Variants in CRB1 observed in about 807,000 individuals in gnomAD.
CRB1 encodes the protein crumbs cell polarity complex component 1.
Under a neutral mutation model 120.0 loss-of-function variants are expected in CRB1, and 83 were observed. The ratio of observed to expected loss-of-function variants is 0.69; its 90% confidence interval spans 0.58 to 0.83. The LOEUF (loss-of-function observed/expected upper bound fraction) is 0.83. Among genes scored for constraint, CRB1 ranks in the 40% least tolerant of loss-of-function variants. The pLI is 0.00. For synonymous variants in CRB1, 625 were observed against 612.5 expected (o/e 1.02, Z -0.30); for missense variants, 1,699 against 1,687.6 (o/e 1.01, Z -0.12).
chr1:197,329,752 C>A lies in CRB1; in HGVS notation c.652+749C>A, dbSNP rs1003647941. Among the ~76,000 whole-genome samples the A allele has an allele frequency of 2.0e-5, 3 of 152,152 alleles. No individual in the cohort carries two copies. In the East Asian group the frequency reaches 5.8e-4, roughly 29 times the overall value. On this transcript the variant is annotated intron_variant, in intron 2 of 11. Coordinates refer to ENST00000367400, the MANE Select transcript of CRB1 (RefSeq NM_201253.3). ...TTTCTTGCTTTGCTTTATTCTTTGG[C>A]TTTTCCATTTACTTGTAAGGGGGTA...
intron 5 of CRB1, among the ~76,000 whole-genome samples, chr1:197,391,914 G>T (rs527886501): frequency 1.3e-5 from 2 of 152,038 alleles, no homozygotes; most frequent in African/African-American, 2.4e-5. Context: ...TCCAGGTCTC[G>T]ATGTGGTAGG....
At chr1:197,260,317 G>A in the CRB1 span, among the ~76,000 whole-genome samples, 8 of 152,066 alleles carry the variant, frequency 5.3e-5, no homozygotes, top group East Asian at 1.4e-3. Context: ...TTGGACATTG[G>A]CTATCCATCT....
In CRB1 at chr1:197,268,389, A is replaced by T; in HGVS notation, c.-24A>T. 1 of 1,572,992 alleles carries T rather than the reference A, an allele frequency of 6.4e-7. No homozygotes were observed. The highest frequency in any genetic ancestry group is 8.8e-7 in the Non-Finnish European group (1 of 1,142,838). Reference sequence around the variant, plus strand: ...GGGACCAGACCACCAGCAACACACCAGAGGATGTTCTCTAAATAAGACCAT... The same window carrying T: ...GGGACCAGACCACCAGCAACACACCTGAGGATGTTCTCTAAATAAGACCAT... On this transcript the variant is annotated 5_prime_UTR_variant, in exon 1 of 12. Coordinates refer to ENST00000367400, the MANE Select transcript of CRB1 (RefSeq NM_201253.3).
chr1:197,396,089 A>G (rs1662758006), intron 5 of CRB1, among the ~76,000 whole-genome samples: 1 of 152,188 alleles, frequency 6.6e-6, no homozygotes, highest in Non-Finnish European at 1.5e-5. Context: ...GTTTATACAG[A>G]AAATTTCAAA....
chr1:197,364,982 G>T (rs1263248064), intron 5 of CRB1, among the ~76,000 whole-genome samples: 1 of 152,104 alleles, frequency 6.6e-6, no homozygotes, highest in Admixed American at 6.6e-5. Flanking sequence ...TATTAAGTTA[G>T]GAGACTCCAT....
At chr1:197,476,110 A>C (rs1447079982) in intron 11 of CRB1, among the ~76,000 whole-genome samples, 1 of 151,918 alleles carries the variant, frequency 6.6e-6, no homozygotes, top group African/African-American at 2.4e-5. Context: ...GGGTTTCACC[A>C]TGTTGGCCAG....
chr1:197,469,310 G>A (rs776206003), intron 11 of CRB1, among the ~76,000 whole-genome samples: 7 of 152,162 alleles, frequency 4.6e-5, no homozygotes, highest in Non-Finnish European at 8.8e-5. Flanking sequence ...TCCTAGTCAC[G>A]TAAGTACGGT....
At chr1:197,268,128 G>T (rs948555137), upstream of CRB1, 3 of 386,378 alleles carry the variant, frequency 7.8e-6, no homozygotes, top group South Asian at 5.2e-5. Context: ...AAGAAAACTC[G>T]CAGCAAAGGC....
intron 11 of CRB1, among the ~76,000 whole-genome samples, chr1:197,445,996 C>G (rs1447331456): frequency 6.6e-6 from 1 of 152,040 alleles, no homozygotes; most frequent in African/African-American, 2.4e-5. Flanking sequence ...TCAAGATCAG[C>G]CTGACAAACA....
At chr1:197,453,568 A>G (rs78970982) in intron 11 of CRB1, among the ~76,000 whole-genome samples, 1 of 111,988 alleles carries the variant, frequency 8.9e-6, no homozygotes, top group South Asian at 2.8e-4. Flanking sequence ...AGAGAGAGAG[A>G]GGGAGAGGGA....
chr1:197,414,042 T>A lies in CRB1; in HGVS notation c.1172-6958T>A, dbSNP rs1321582503. 14 of 426,376 alleles carry A rather than the reference T, an allele frequency of 3.3e-5. 1 individual carries two copies. The highest frequency in any genetic ancestry group is 2.0e-4 in the South Asian group (12 of 59,414). The allele number at this position is 426,376 out of a possible 1,614,324, so 26.4% of individuals were successfully genotyped here. On this transcript the variant is annotated intron_variant, in intron 5 of 11. Transcript: ENST00000367400. ...TTATATACGCTAATTTGCAACATGC[T>A]TAGTGTTTTTAAGATGTTTATTTAG...
the CRB1 span, among the ~76,000 whole-genome samples, chr1:197,249,382 T>C: frequency 4.1e-4 from 62 of 152,060 alleles, no homozygotes; most frequent in African/African-American, 1.4e-3. Context: ...GAAAAGTTGA[T>C]ATAAACCCGT....
chr1:197,323,636 T>C (rs1480950951), intron 1 of CRB1, among the ~76,000 whole-genome samples: 2 of 152,330 alleles, frequency 1.3e-5, no homozygotes, highest in East Asian at 3.9e-4. Context: ...TTAAAATTTT[T>C]CATGATTGAC....
intron 2 of CRB1, 105 bp from the exon 3 acceptor site, chr1:197,344,174 CAG>C: frequency 9.0e-7 from 1 of 1,110,750 alleles, no homozygotes; most frequent in South Asian, 1.2e-5. Context: ...TTTTGGGTAA[CAG>C]AACATTTGAC....
chr1:197,360,892 G>A (rs1367916282), intron 5 of CRB1, among the ~76,000 whole-genome samples: 2 of 152,172 alleles, frequency 1.3e-5, no homozygotes, highest in East Asian at 1.9e-4. Context: ...CATTAGCTAT[G>A]AATTTTTATC....
chr1:197,442,353 T>C (rs762019625), intron 11 of CRB1, 61 bp downstream of exon 11: 1 of 1,612,598 alleles, frequency 6.2e-7, no homozygotes, highest in Non-Finnish European at 8.5e-7. Context: ...TCAGCTTCTT[T>C]CTTACCTCAT....
At chr1:197,436,750 T>A (rs889003676) in intron 9 of CRB1, among the ~76,000 whole-genome samples, 1 of 152,150 alleles carries the variant, frequency 6.6e-6, no homozygotes, top group African/African-American at 2.4e-5. Context: ...CTAATTTGCA[T>A]TTTGACGAAC....
chr1:197,439,857 A>G (rs1029395013), intron 10 of CRB1: 20 of 152,158 alleles, frequency 1.3e-4, no homozygotes, highest in African/African-American at 4.8e-4. Flanking sequence ...TTTGCATCAC[A>G]AAGACACAGG....
intron 9 of CRB1, among the ~76,000 whole-genome samples, chr1:197,435,864 T>A (rs1665136051): frequency 6.6e-6 from 1 of 152,272 alleles, no homozygotes; most frequent in South Asian, 2.1e-4. Flanking sequence ...TGTGAAAATA[T>A]GTCTCATGAA....
Sources: allele counts gnomAD v4.1 joint callset (sites outside exome capture counted in the v4.1 genomes callset), GRCh38; gene constraint gnomAD v4.1.1; transcripts MANE v1.5; gene names NCBI Gene and HGNC (gene_info 2026-07-23, HGNC 2026-07-21).